ZBTB20: variants seen among roughly 807,000 people sequenced by gnomAD.
The protein encoded by ZBTB20 is zinc finger and BTB domain-containing protein 20.
In ZBTB20, 9 loss-of-function variants were observed where a neutral mutation model predicts 56.9. The ratio of observed to expected loss-of-function variants is 0.16; its 90% CI spans 0.10 to 0.28. The LOEUF (loss-of-function observed/expected upper bound fraction) is 0.28, where lower values mean the gene tolerates loss of function less well. Ranked by LOEUF, ZBTB20 falls within the 10% of genes least tolerant of loss-of-function variation. The pLI is 1.00. For missense variants in ZBTB20, 655 were observed against 1,003.0 expected (o/e 0.65, Z 4.69); for synonymous variants, 417 against 420.7 (o/e 0.99, Z 0.11).
chr3:114,720,074 T>TAATATATATAATGTATATATG (rs2064807080), intron 5 of ZBTB20, among the ~76,000 whole-genome samples: 1 of 149,608 alleles, frequency 6.7e-6, no homozygotes, highest in Non-Finnish European at 1.5e-5. Flanking sequence ...CTTACATATA[T>TAATATATATAATGTATATATG]AATATATATA....
intron 2 of ZBTB20, among the ~76,000 whole-genome samples, chr3:115,036,287 T>C (rs115446314): frequency 1.7e-3 from 253 of 152,224 alleles, no homozygotes; most frequent in African/African-American, 5.9e-3. Flanking sequence ...AAGAAAAGCT[T>C]TGTGATTTTT....
At chr3:114,617,730 T>C (rs1560043007) in intron 6 of ZBTB20, among the ~76,000 whole-genome samples, 2 of 152,198 alleles carry the variant, frequency 1.3e-5, no homozygotes, top group African/African-American at 4.8e-5. Context: ...CAGACTTCCT[T>C]GTTGTCACTC....
At chr3:114,455,575 A>C (rs889301911) in intron 7 of ZBTB20, among the ~76,000 whole-genome samples, 1 of 152,134 alleles carries the variant, frequency 6.6e-6, no homozygotes, top group Non-Finnish European at 1.5e-5. Context: ...GCAGAGAACA[A>C]GACAGGTACA....
chr3:114,576,297 A>G (rs2054007024), intron 6 of ZBTB20, among the ~76,000 whole-genome samples: 1 of 151,908 alleles, frequency 6.6e-6, no homozygotes, highest in East Asian at 1.9e-4. Flanking sequence ...CAGGAGATCG[A>G]GACCATCCTG....
At chr3:114,805,179 T>C (rs1160763157) in intron 4 of ZBTB20, among the ~76,000 whole-genome samples, 3 of 151,914 alleles carry the variant, frequency 2.0e-5, no homozygotes, top group Non-Finnish European at 4.4e-5. Flanking sequence ...TTTGACAAAA[T>C]TAAGAAATTA....
chr3:114,399,275 G>A (rs1480032511), intron 7 of ZBTB20, among the ~76,000 whole-genome samples: 2 of 152,068 alleles, frequency 1.3e-5, no homozygotes, highest in African/African-American at 2.4e-5. Context: ...AACCTGTGGA[G>A]TATTTTGCTA....
intron 3 of ZBTB20, among the ~76,000 whole-genome samples, chr3:114,930,246 C>T (rs1168246907): frequency 1.3e-5 from 2 of 152,028 alleles, no homozygotes; most frequent in Admixed American, 6.6e-5. Flanking sequence ...ACATGTGCTG[C>T]GCTTCTTCAG....
intron 2 of ZBTB20, among the ~76,000 whole-genome samples, chr3:115,022,136 C>A (rs896190594): frequency 6.7e-6 from 1 of 149,704 alleles, no homozygotes; most frequent in African/African-American, 2.4e-5. Flanking sequence ...ATTTAGGATA[C>A]GTAAAAAAGA....
intron 5 of ZBTB20, among the ~76,000 whole-genome samples, chr3:114,707,637 G>A (rs749299024): frequency 6.6e-6 from 1 of 152,142 alleles, no homozygotes; most frequent in Non-Finnish European, 1.5e-5. Context: ...CCCTGGAGGG[G>A]ACACAGTGGA....
chr3:114,611,368 C>T (rs900423500), intron 6 of ZBTB20, among the ~76,000 whole-genome samples: 5 of 152,126 alleles, frequency 3.3e-5, no homozygotes, highest in Admixed American at 2.0e-4. Context: ...ATCAGAAACT[C>T]ACAAACGGGA....
At chr3:114,516,889 T>C (rs2046059085) in intron 6 of ZBTB20, among the ~76,000 whole-genome samples, 1 of 152,174 alleles carries the variant, frequency 6.6e-6, no homozygotes, top group African/African-American at 2.4e-5. Context: ...CTTGAACATC[T>C]AGCTTCTATA....
intron 6 of ZBTB20, among the ~76,000 whole-genome samples, chr3:114,654,165 T>A (rs1281220220): frequency 6.6e-6 from 1 of 151,886 alleles, no homozygotes; most frequent in Non-Finnish European, 1.5e-5. Flanking sequence ...ATGATTATAC[T>A]TTCCCACTTT....
At chr3:114,847,705 T>G (rs930196252) in intron 4 of ZBTB20, among the ~76,000 whole-genome samples, 3 of 152,126 alleles carry the variant, frequency 2.0e-5, no homozygotes, top group Non-Finnish European at 4.4e-5. Flanking sequence ...CATAATCTAC[T>G]GTAGTCATTG....
chr3:114,856,607 T>C (rs2075267343), intron 4 of ZBTB20, among the ~76,000 whole-genome samples: 1 of 152,160 alleles, frequency 6.6e-6, no homozygotes, highest in Non-Finnish European at 1.5e-5. Context: ...AATGAATTAT[T>C]GTGTTCAAGG....
chr3:115,047,974 A>C (rs2081394105), intron 2 of ZBTB20, among the ~76,000 whole-genome samples: 1 of 151,698 alleles, frequency 6.6e-6, no homozygotes. Context: ...TAATCCCAGC[A>C]CTTTGGGAGG....
chr3:115,078,289 C>T (rs2082666292), intron 1 of ZBTB20, among the ~76,000 whole-genome samples: 1 of 152,026 alleles, frequency 6.6e-6, no homozygotes, highest in Admixed American at 6.6e-5. Context: ...AATAAAAGAG[C>T]AATATGAAGC....
At chr3:114,397,262 T>C (rs937859838) in intron 7 of ZBTB20, among the ~76,000 whole-genome samples, 3 of 152,148 alleles carry the variant, frequency 2.0e-5, no homozygotes, top group Non-Finnish European at 4.4e-5. Context: ...GTACAACCTA[T>C]GGCAGTTTTT....
intron 2 of ZBTB20, among the ~76,000 whole-genome samples, chr3:115,035,910 G>A (rs1361623093): frequency 6.6e-6 from 1 of 152,014 alleles, no homozygotes; most frequent in Non-Finnish European, 1.5e-5. Flanking sequence ...AGGAAATTGT[G>A]ACATATGCTA....
intron 5 of ZBTB20, among the ~76,000 whole-genome samples, chr3:114,726,297 A>C (rs1401516194): frequency 6.6e-6 from 1 of 152,220 alleles, no homozygotes; most frequent in Non-Finnish European, 1.5e-5. Context: ...TAAAAAAAAC[A>C]GTTTAGGATG....
Sources: gnomAD v4.1 joint callset for allele counts (sites outside exome capture counted in the v4.1 genomes callset) on GRCh38, gnomAD v4.1.1 for gene constraint, MANE v1.5 for transcripts, NCBI Gene and HGNC (gene_info 2026-07-23, HGNC 2026-07-21) for gene names.